MAML3: variants seen among roughly 807,000 people sequenced by gnomAD.
MAML3 encodes mastermind-like protein 3.
MAML3 carries 27 observed loss-of-function variants against 101.9 expected under a neutral mutation model. The observed-to-expected ratio is 0.27, with a 90% CI of 0.20 to 0.37. The LOEUF is 0.37. Ranked by LOEUF, MAML3 falls within the 10% of genes least tolerant of loss-of-function variation. The probability of loss-of-function intolerance (pLI) is 1.00; values close to 1 mark genes in which losing one functional copy is unlikely to be tolerated. For synonymous variants in MAML3, 501 were observed against 555.9 expected (o/e 0.90, Z 1.39); for missense variants, 1,316 against 1,444.9 (o/e 0.91, Z 1.45).
At chr4:140,019,438 A>T (rs1726698594) in intron 1 of MAML3, among the ~76,000 whole-genome samples, 1 of 152,190 alleles carries the variant, frequency 6.6e-6, no homozygotes, top group Admixed American at 6.5e-5. Context: ...AAACAGCCTG[A>T]CCCATAGCAG....
At chr4:140,048,767 A>T (rs550643304) in intron 1 of MAML3, among the ~76,000 whole-genome samples, 51 of 152,328 alleles carry the variant, frequency 3.3e-4, no homozygotes, top group Middle Eastern at 3.4e-3. Context: ...CGAGTTTTTT[A>T]AAATCCCCTT....
chr4:140,149,407 A>AT (rs992120663), intron 1 of MAML3, among the ~76,000 whole-genome samples: 8 of 151,926 alleles, frequency 5.3e-5, no homozygotes, highest in Non-Finnish European at 1.2e-4. Context: ...GCCAAGGAAA[A>AT]TTTTTTACCC....
At chr4:140,082,707 C>T (rs981828138) in intron 1 of MAML3, among the ~76,000 whole-genome samples, 1 of 152,038 alleles carries the variant, frequency 6.6e-6, no homozygotes, top group African/African-American at 2.4e-5. Context: ...CGCACCCCCA[C>T]CAGGCTTTCC....
chr4:139,869,368 C>G (rs552231053), intron 2 of MAML3, among the ~76,000 whole-genome samples: 1 of 70,896 alleles, frequency 1.4e-5, no homozygotes, highest in Admixed American at 1.2e-4. Flanking sequence ...TTTTGGAAGG[C>G]AATAAAATTT....
chr4:140,036,141 G>A (rs1411091181), intron 1 of MAML3, among the ~76,000 whole-genome samples: 1 of 152,208 alleles, frequency 6.6e-6, no homozygotes, highest in Non-Finnish European at 1.5e-5. Context: ...TACACACAGT[G>A]TCAGTCAAGG....
intron 1 of MAML3, among the ~76,000 whole-genome samples, chr4:140,067,578 T>G (rs1349339187): frequency 6.6e-6 from 1 of 152,196 alleles, no homozygotes; most frequent in Non-Finnish European, 1.5e-5. Context: ...TGTCTCAATA[T>G]TTAAAAAGCA....
chr4:139,825,775 A>G (rs1371854779), intron 2 of MAML3, among the ~76,000 whole-genome samples: 1 of 152,160 alleles, frequency 6.6e-6, no homozygotes, highest in Non-Finnish European at 1.5e-5. Context: ...GAAAAAAAAA[A>G]AAAAGTTGCA....
chr4:140,125,533 A>G (rs745968109), intron 1 of MAML3, among the ~76,000 whole-genome samples: 4 of 152,262 alleles, frequency 2.6e-5, no homozygotes, highest in Non-Finnish European at 2.9e-5. Flanking sequence ...TCCAGATTAT[A>G]TGACACATAT....
At chr4:139,982,001 C>T (rs35319653) in intron 1 of MAML3, among the ~76,000 whole-genome samples, 36,419 of 152,140 alleles carry the variant, frequency 0.24, 5,583 homozygotes, top group Non-Finnish European at 0.34. Flanking sequence ...CCTTCTTTTC[C>T]GCCTCCTTTT....
chr4:139,942,461 G>A, intron 1 of MAML3, among the ~76,000 whole-genome samples: 1 of 152,086 alleles, frequency 6.6e-6, no homozygotes, highest in East Asian at 1.9e-4. Flanking sequence ...TGATTAATGT[G>A]GACATAACAC....
chr4:139,950,267 C>G (rs770613245), intron 1 of MAML3, among the ~76,000 whole-genome samples: 1 of 152,284 alleles, frequency 6.6e-6, no homozygotes, highest in South Asian at 2.1e-4. Flanking sequence ...GTCTCAAACT[C>G]CTGACCTCGT....
chr4:139,722,990 C>T (rs6835548), intron 4 of MAML3, among the ~76,000 whole-genome samples: 28,748 of 152,168 alleles, frequency 0.19, 3,089 homozygotes, highest in East Asian at 0.25. Context: ...CCGTGTTCCA[C>T]GTCACGAATA....
At chr4:139,894,647 A>T (rs1732571550) in intron 1 of MAML3, among the ~76,000 whole-genome samples, 1 of 152,186 alleles carries the variant, frequency 6.6e-6, no homozygotes. Context: ...ACAACATCAA[A>T]CACAGCCCAT....
intron 2 of MAML3, among the ~76,000 whole-genome samples, chr4:139,833,516 G>A (rs1731206482): frequency 6.6e-6 from 1 of 151,780 alleles, no homozygotes; most frequent in African/African-American, 2.4e-5. Flanking sequence ...GGGCAGCCAA[G>A]GGGAAAGAGA....
chr4:139,923,149 G>T (rs983319469), intron 1 of MAML3, among the ~76,000 whole-genome samples: 3 of 152,148 alleles, frequency 2.0e-5, no homozygotes, highest in Admixed American at 1.3e-4. Context: ...GTCTGGCCTT[G>T]TACCCTAGAC....
intron 2 of MAML3, among the ~76,000 whole-genome samples, chr4:139,870,444 C>T (rs1430551145): frequency 6.6e-6 from 1 of 152,184 alleles, no homozygotes; most frequent in Non-Finnish European, 1.5e-5. Context: ...ATGAGAATAA[C>T]TCCATTCTTC....
At chr4:140,048,619 T>C (rs745417333) in intron 1 of MAML3, among the ~76,000 whole-genome samples, 2 of 152,220 alleles carry the variant, frequency 1.3e-5, no homozygotes, top group Non-Finnish European at 2.9e-5. Context: ...ATCCAGGTAA[T>C]TACAGGAGAA....
At chr4:140,079,429 G>A (rs1001644846) in intron 1 of MAML3, among the ~76,000 whole-genome samples, 6 of 152,084 alleles carry the variant, frequency 3.9e-5, no homozygotes, top group African/African-American at 1.4e-4. Context: ...GAGTAGCTGG[G>A]ATTACAGGCA....
intron 2 of MAML3, among the ~76,000 whole-genome samples, chr4:139,845,345 T>C (rs2111149442): frequency 6.6e-6 from 1 of 152,264 alleles, no homozygotes; most frequent in Middle Eastern, 3.4e-3. Flanking sequence ...TCATTAAGAA[T>C]GAAAATAGAA....
Sources: allele counts gnomAD v4.1 joint callset (sites outside exome capture counted in the v4.1 genomes callset), GRCh38; gene constraint gnomAD v4.1.1; transcripts MANE v1.5; gene names NCBI Gene and HGNC (gene_info 2026-07-23, HGNC 2026-07-21).